The following EMC1 variants were observed in gnomAD, a reference collection of about 807,000 sequenced individuals.
The protein encoded by EMC1 is KIAA0090.
A neutral mutation model predicts 128.8 loss-of-function variants in EMC1; 103 were observed. The observed-to-expected ratio is 0.80, with a 90% CI of 0.68 to 0.94. The LOEUF (loss-of-function observed/expected upper bound fraction) is 0.94, where lower values mean the gene tolerates loss of function less well. Among genes scored for constraint, EMC1 ranks in the 40% least tolerant of loss-of-function variants. EMC1 has a pLI of 0.00. For synonymous variants in EMC1, 442 were observed against 490.4 expected, an observed-to-expected ratio of 0.90 and a Z score of 1.30; for missense variants, 1,083 against 1,250.6, an observed-to-expected ratio of 0.87 and a Z score of 2.02.
chr1:19,241,260 T>G, intron 5 of EMC1, 118 bp from the exon 6 acceptor site: 1 of 1,222,608 alleles, frequency 8.2e-7, no homozygotes, highest in Non-Finnish European at 1.1e-6. Flanking sequence ...TAGGTTTTGT[T>G]TGGCTCACAC....
chr1:19,223,414 A>G lies in EMC1; in HGVS notation c.2358T>C (p.His786=), dbSNP rs755621065. ...KKAKGPVHIV[H]SENWVVYQYW... is the part of the protein sequence containing the mutation. ...CGCTTACCACCACCCAGTTCTCTGA[A>G]TGCACGATATGGACAGGGCCTTTGG... Residue 786 remains histidine, a synonymous_variant, in exon 19 of 23, where the codon CAT becomes CAC. Transcript: ENST00000477853. 6.2e-7 allele frequency: 1 copy of G among 1,614,094 alleles called. No individual in the cohort carries two copies. Among genetic ancestry groups the G allele is most frequent in the South Asian group, 1.1e-5 (1 of 91,068 alleles).
intron 4 of EMC1, 35 bp downstream of exon 4, chr1:19,243,579 A>T: frequency 6.4e-7 from 1 of 1,571,848 alleles, no homozygotes. Context: ...TGAAGCCTTT[A>T]ACTCAGTCAA....
In EMC1 at chr1:19,227,368, C is replaced by T. The variant is rs774684957; in HGVS notation, c.2147G>A (p.Ser716Asn). Residue 716 changes from serine to asparagine, a missense_variant, in exon 18 of 23, where the codon AGT (serine) becomes AAT (asparagine). Transcript: ENST00000477853. ...RIVKVKGKRS[S>N]EHVHSQGRVM... ...ACGGCCCTGGGAATGAACGTGCTCA[C>T]TGCTGCGTTTCCCCTTCACCTTGAC... 1 of 1,614,226 alleles carries T rather than the reference C, an allele frequency of 6.2e-7. No individual in the cohort carries two copies. The highest frequency in any genetic ancestry group is 1.3e-5 in the African/African-American group (1 of 75,056).
intron 13 of EMC1, 131 bp downstream of exon 13, chr1:19,234,997 CAG>C: frequency 2.0e-6 from 2 of 999,766 alleles, no homozygotes; most frequent in Non-Finnish European, 2.9e-6. Flanking sequence ...AACCTCATCA[CAG>C]AGCTCATTCA....
rs1440291720 is a variant in EMC1, at chr1:19,233,028, T to C, written c.1540A>G (p.Ser514Gly). 1.2e-6 allele frequency: 2 copies of C among 1,614,024 alleles called. No individual in the cohort carries two copies. Among genetic ancestry groups the C allele is most frequent in the Non-Finnish European group, 1.7e-6 (2 of 1,180,018 alleles). The change falls in exon 14 of 23, where the codon AGT becomes GGT. Residue 514 changes from serine to glycine, a missense_variant. Physicochemically the swap from Ser to Gly is moderately conservative, Grantham distance 56. This residue lies in a region of EMC1 where 527 missense variants were observed against 644.1 expected (regional missense o/e 0.82). Coordinates refer to ENST00000477853, the MANE Select transcript of EMC1 (RefSeq NM_015047.3). The stretch of plus-strand genomic sequence containing the variant: ...ATGTTGATCTCATTCTTAATCTGAC[T>C]CCGGGGCTTCCGAGCATCATAAAAC... ...KMFYDARKPR[S>G]QIKNEINIDT...
rs1385747353 is a variant in EMC1, at chr1:19,216,887, T to G, written c.*2416A>C. On this transcript the variant is annotated 3_prime_UTR_variant, in exon 23 of 23. Transcript: ENST00000477853. ...TTTTTATTTTTTGTAGATAGAGTCT[T>G]GCTATGTTGCCCAGGCTGGTCTGGA... 3 of 152,214 alleles carry G rather than the reference T, an allele frequency of 2.0e-5. No individual in the cohort carries two copies. The highest frequency in any genetic ancestry group is 4.4e-5 in the Non-Finnish European group (3 of 68,106). 9.4% of individuals were successfully genotyped at this position (152,214 alleles called of 1,614,324 possible).
intron 1 of EMC1, 138 bp downstream of exon 1, chr1:19,251,277 G>A: frequency 1.3e-6 from 1 of 761,056 alleles, no homozygotes; most frequent in South Asian, 1.8e-5. Context: ...TTTTTAACAA[G>A]GGGCCCCACG....
chr1:19,222,994 CA>C, intron 19 of EMC1, 160 bp from the exon 20 acceptor site: 1 of 614,852 alleles, frequency 1.6e-6, no homozygotes, highest in East Asian at 2.9e-5. Flanking sequence ...TACTAACTTT[CA>C]AAGTAGTTTT....
rs2151970303 is a variant in EMC1 at position 19,251,472 on chromosome 1, G to C, written c.38C>G (p.Ala13Gly). Reference protein sequence around the residue: ...AEWASRFWLWATLLIPAAAVY... With the variant: ...AEWASRFWLWGTLLIPAAAVY... ...CGCGGCCGCAGGAATCAGCAGCGTAGCCCAAAGCCAGAAACGAGAAGCCCA... is the reference window on the plus strand; with the variant it reads ...CGCGGCCGCAGGAATCAGCAGCGTACCCCAAAGCCAGAAACGAGAAGCCCA... Residue 13 changes from alanine to glycine, a missense_variant, in exon 1 of 23, where the codon GCT becomes GGT. By Grantham distance (60) the Ala-to-Gly change is moderately conservative (BLOSUM62 0). This residue lies in a region of EMC1 where 544 missense variants were observed against 572.4 expected (regional missense o/e 0.95). Transcript: ENST00000477853. The C allele has an allele frequency of 1.9e-6, 3 of 1,614,178 alleles. No homozygotes were observed. Among genetic ancestry groups the C allele is most frequent in the East Asian group, 2.2e-5 (1 of 44,882 alleles).
In EMC1 at chr1:19,230,925, C is replaced by G; in HGVS notation, c.1983G>C (p.Gln661His). 6.2e-7 allele frequency: 1 copy of G among 1,614,226 alleles called. No individual in the cohort carries two copies. The highest frequency in any genetic ancestry group is 8.5e-7 in the Non-Finnish European group (1 of 1,180,036). The change falls in exon 17 of 23, where the codon CAG becomes CAC. Residue 661 changes from glutamine (Q) to histidine (H), a missense_variant. Physicochemically the swap from Gln to His is conservative, Grantham distance 24 (BLOSUM62 0). Transcript: ENST00000477853. Reference sequence around the variant, plus strand: ...AGATGGAAGGGGCAAGCTCATGTAGCTGTCGCAAGACATTCCGAGTGGCTG... The same window carrying G: ...AGATGGAAGGGGCAAGCTCATGTAGGTGTCGCAAGACATTCCGAGTGGCTG... ...AFPATRNVLR[Q>H]LHELAPSIFF...
intron 6 of EMC1, chr1:19,240,651 G>A (rs1425899909): frequency 1.7e-6 from 1 of 589,946 alleles, no homozygotes; most frequent in African/African-American, 1.9e-5. Flanking sequence ...AAAATATCAG[G>A]ATTTTCTTTC....
At chr1:19,248,023 C>CAAA (rs200472630) in intron 1 of EMC1, among the ~76,000 whole-genome samples, 46 of 141,266 alleles carry the variant, frequency 3.3e-4, no homozygotes, top group East Asian at 6.1e-4. Flanking sequence ...GACTCTGTCC[C>CAAA]AAAAAAAAAA....
chr1:19,216,314 CAT>C lies in EMC1; in HGVS notation c.*2987_*2988del, dbSNP rs2093396334. On this transcript the variant is annotated 3_prime_UTR_variant, in exon 23 of 23. Coordinates refer to ENST00000477853, the MANE Select transcript of EMC1 (RefSeq NM_015047.3). ...GAAAGATGCCTTACGGAGCACATAA[CAT>C]GTACCCACACACAAATAATGAAACT... 6.6e-6 allele frequency: 1 copy of C among 151,462 alleles called. No individual in the cohort carries two copies. Among genetic ancestry groups the C allele is most frequent in the African/African-American group, 2.4e-5 (1 of 41,238 alleles). The allele number at this position is 151,462 out of a possible 1,614,324, so 9.4% of individuals were successfully genotyped here.
At chr1:19,222,247 C>G (rs1231431299) in intron 20 of EMC1, among the ~76,000 whole-genome samples, 1 of 152,054 alleles carries the variant, frequency 6.6e-6, no homozygotes, top group East Asian at 1.9e-4. Context: ...ATCACATGAG[C>G]CCAGGAGTCT....
intron 12 of EMC1, among the ~76,000 whole-genome samples, chr1:19,236,057 C>T (rs1032700205): frequency 2.0e-5 from 3 of 152,078 alleles, no homozygotes; most frequent in Non-Finnish European, 2.9e-5. Flanking sequence ...TGTATCCCAC[C>T]GAGAATGCCA....
intron 6 of EMC1, chr1:19,240,683 C>A: frequency 1.7e-6 from 1 of 573,556 alleles, no homozygotes; most frequent in East Asian, 2.8e-5. Context: ...AAAATATATC[C>A]GATAATTTTA....
chr1:19,223,285 A>G, intron 19 of EMC1, 111 bp downstream of exon 19: 1 of 998,066 alleles, frequency 1.0e-6, no homozygotes, highest in Non-Finnish European at 1.5e-6. Flanking sequence ...GCTGCCATCC[A>G]GGGAATTTGA....
Position 19,231,340 on chromosome 1 carries a change from G to C in EMC1, c.1865C>G (p.Pro622Arg). The C allele has an allele frequency of 6.2e-7, 1 of 1,611,892 alleles. No homozygotes were observed. ...SQVAPPVLKR[P>R]ILQSLLLPVM... ...TGGGAGAAGCAAGGACTGCAAGATG[G>C]GGCGCTTCAGCACTGGGGGAGCTAC... The change falls in exon 16 of 23, where the codon CCC becomes CGC. Residue 622 changes from proline to arginine, a missense_variant. Physicochemically the swap from Pro to Arg is moderately radical, Grantham distance 103. Coordinates refer to ENST00000477853, the MANE Select transcript of EMC1 (RefSeq NM_015047.3).
At chr1:19,244,409 TGCA>T (rs1328170171) in intron 2 of EMC1, among the ~76,000 whole-genome samples, 3 of 152,240 alleles carry the variant, frequency 2.0e-5, no homozygotes, top group African/African-American at 7.2e-5. Flanking sequence ...ATGTGTTTTT[TGCA>T]GCAGCATCTT....
Sources: gnomAD v4.1 joint callset for allele counts (sites outside exome capture counted in the v4.1 genomes callset) on GRCh38, gnomAD v4.1.1 for gene constraint, gnomAD v4.1.1 regional missense constraint, MANE v1.5 for transcripts, NCBI Gene and HGNC (gene_info 2026-07-23, HGNC 2026-07-21) for gene names.